RBFOX1: variants seen among roughly 807,000 people sequenced by gnomAD.
The protein encoded by RBFOX1 is RNA binding protein fox-1 homolog 1.
In RBFOX1, 8 loss-of-function variants were observed where a neutral mutation model predicts 57.7. That is an observed-to-expected ratio of 0.14 (90% CI 0.08 to 0.25). The LOEUF (loss-of-function observed/expected upper bound fraction) is 0.25, where lower values mean the gene tolerates loss of function less well. Ranked by LOEUF, RBFOX1 falls within the 10% of genes least tolerant of loss-of-function variation. The pLI, the probability that RBFOX1 is intolerant of heterozygous loss-of-function variation, is 1.00. For missense variants in RBFOX1, 611 were observed against 548.5 expected (o/e 1.11, Z -1.14); for synonymous variants, 326 against 222.4 (o/e 1.47, Z -4.15).
chr16:5,302,295 A>G (rs147576189), intron 1 of RBFOX1, among the ~76,000 whole-genome samples: 144 of 152,244 alleles, frequency 9.5e-4, no homozygotes, highest in Non-Finnish European at 1.5e-3. Context: ...CAGAGAAATC[A>G]TTTTTTTGAT....
chr16:6,089,465 A>T (rs2096138977), intron 1 of RBFOX1, among the ~76,000 whole-genome samples: 1 of 152,130 alleles, frequency 6.6e-6, no homozygotes, highest in Non-Finnish European at 1.5e-5. Context: ...AGGAGAAGAA[A>T]CTGAGGTTGT....
intron 4 of RBFOX1, among the ~76,000 whole-genome samples, chr16:7,230,200 G>C (rs1025949071): frequency 2.0e-5 from 3 of 151,986 alleles, no homozygotes; most frequent in African/African-American, 7.2e-5. Context: ...TTGGACATCT[G>C]TATATGTCAG....
intron 1 of RBFOX1, among the ~76,000 whole-genome samples, chr16:6,167,333 A>G (rs997616284): frequency 6.6e-6 from 1 of 152,054 alleles, no homozygotes; most frequent in Non-Finnish European, 1.5e-5. Context: ...TTCTCTGTGG[A>G]CTTTTTCTCC....
At chr16:7,393,051 T>C (rs913634321) in intron 4 of RBFOX1, among the ~76,000 whole-genome samples, 2 of 152,138 alleles carry the variant, frequency 1.3e-5, no homozygotes, top group Admixed American at 6.5e-5. Flanking sequence ...TTTTTGCATT[T>C]CTAGTAGAGA....
At chr16:7,237,338 G>C (rs1007687118) in intron 4 of RBFOX1, among the ~76,000 whole-genome samples, 3 of 152,128 alleles carry the variant, frequency 2.0e-5, no homozygotes, top group Non-Finnish European at 4.4e-5. Context: ...AGTGCAGAAT[G>C]GATTTTGGCC....
intron 3 of RBFOX1, among the ~76,000 whole-genome samples, chr16:6,677,644 T>G (rs1035858671): frequency 1.3e-5 from 2 of 152,200 alleles, no homozygotes; most frequent in African/African-American, 2.4e-5. Context: ...TATTTTTGAT[T>G]AGGGAACAAG....
chr16:6,570,721 G>C (rs2097333551), intron 2 of RBFOX1, among the ~76,000 whole-genome samples: 1 of 152,178 alleles, frequency 6.6e-6, no homozygotes, highest in South Asian at 2.1e-4. Flanking sequence ...CTCAGGAAAA[G>C]TTATAGCAGA....
At chr16:5,513,030 C>G (rs563440498) in intron 2 of RBFOX1, among the ~76,000 whole-genome samples, 6 of 152,312 alleles carry the variant, frequency 3.9e-5, no homozygotes, top group South Asian at 2.1e-4. Flanking sequence ...ATCCTTCCAC[C>G]TCAGCCTTAC....
At chr16:6,391,024 C>T (rs990691463) in intron 2 of RBFOX1, among the ~76,000 whole-genome samples, 3 of 152,106 alleles carry the variant, frequency 2.0e-5, no homozygotes, top group African/African-American at 7.2e-5. Flanking sequence ...TGGCCTCTAC[C>T]CACTAGACGA....
intron 4 of RBFOX1, among the ~76,000 whole-genome samples, chr16:7,077,834 C>T (rs148908069): frequency 0.014 from 2,172 of 152,246 alleles, 33 homozygotes; most frequent in Non-Finnish European, 0.023. Flanking sequence ...GATGTGCTTC[C>T]AGCTACAACC....
At chr16:5,266,756 A>T (rs1413287211) in intron 1 of RBFOX1, among the ~76,000 whole-genome samples, 3 of 151,698 alleles carry the variant, frequency 2.0e-5, no homozygotes, top group Non-Finnish European at 2.9e-5. Flanking sequence ...GGGGGGTCTC[A>T]CTATATTGCC....
chr16:7,271,481 G>C (rs766878847), intron 4 of RBFOX1, among the ~76,000 whole-genome samples: 1 of 151,686 alleles, frequency 6.6e-6, no homozygotes, highest in Non-Finnish European at 1.5e-5. Context: ...CAGTTTCTTT[G>C]TATCACTTGG....
intron 3 of RBFOX1, among the ~76,000 whole-genome samples, chr16:6,764,306 C>T (rs762318939): frequency 2.0e-5 from 3 of 152,164 alleles, no homozygotes; most frequent in African/African-American, 4.8e-5. Flanking sequence ...AATGATCAAG[C>T]TCAGCAATTT....
At chr16:6,843,465 G>A (rs1440152579) in intron 3 of RBFOX1, among the ~76,000 whole-genome samples, 1 of 152,112 alleles carries the variant, frequency 6.6e-6, no homozygotes, top group East Asian at 1.9e-4. Flanking sequence ...GAGGCGGGCA[G>A]ATCACGAGGT....
intron 3 of RBFOX1, among the ~76,000 whole-genome samples, chr16:6,792,984 G>A (rs1170981108): frequency 6.6e-6 from 1 of 150,740 alleles, no homozygotes; most frequent in East Asian, 2.0e-4. Flanking sequence ...AGCTGAGACT[G>A]CATCACTGCA....
At chr16:7,186,116 G>A (rs1004047919) in intron 4 of RBFOX1, among the ~76,000 whole-genome samples, 1 of 151,750 alleles carries the variant, frequency 6.6e-6, no homozygotes, top group African/African-American at 2.4e-5. Context: ...GCACAGATAT[G>A]TACAACCATT....
intron 4 of RBFOX1, among the ~76,000 whole-genome samples, chr16:7,144,289 T>TA (rs1279063425): frequency 6.6e-6 from 1 of 152,130 alleles, no homozygotes; most frequent in Non-Finnish European, 1.5e-5. Context: ...GAGGAATTGA[T>TA]ATATGCACAA....
At chr16:5,932,712 C>T (rs1473407755) in intron 4 of RBFOX1, among the ~76,000 whole-genome samples, 1 of 152,202 alleles carries the variant, frequency 6.6e-6, no homozygotes, top group Non-Finnish European at 1.5e-5. Flanking sequence ...TCAGGAGGCT[C>T]TGGTCTTGTT....
chr16:5,577,252 G>A (rs1259484690), intron 2 of RBFOX1, among the ~76,000 whole-genome samples: 2 of 152,180 alleles, frequency 1.3e-5, no homozygotes, highest in Non-Finnish European at 2.9e-5. Context: ...AGCAGACTCC[G>A]GGTCTGTTGA....
Sources: gnomAD v4.1 joint callset for allele counts (sites outside exome capture counted in the v4.1 genomes callset) on GRCh38, gnomAD v4.1.1 for gene constraint, MANE v1.5 for transcripts, NCBI Gene and HGNC (gene_info 2026-07-23, HGNC 2026-07-21) for gene names.